Variants in CBR4 observed in about 807,000 individuals in gnomAD.
CBR4 encodes the protein carbonyl reductase 4.
CBR4 carries 22 observed loss-of-function variants against 21.0 expected under a neutral mutation model. The observed-to-expected ratio is 1.05, with a 90% CI of 0.75 to 1.50. The LOEUF is 1.50. CBR4 is among the 40% of genes most tolerant of loss of function. The pLI is 0.00. For synonymous variants in CBR4, 100 were observed against 104.4 expected (o/e 0.96, Z 0.26); for missense variants, 302 against 286.3 (o/e 1.05, Z -0.40).
intron 2 of CBR4, among the ~76,000 whole-genome samples, chr4:168,949,631 T>A (rs777581804): frequency 6.6e-6 from 1 of 152,140 alleles, no homozygotes; most frequent in Admixed American, 6.5e-5. Context: ...GCTGGCTTCA[T>A]AGAATGAATT....
At chr4:168,977,576 T>C (rs1015257689) in intron 2 of CBR4, among the ~76,000 whole-genome samples, 2 of 152,190 alleles carry the variant, frequency 1.3e-5, no homozygotes, top group African/African-American at 4.8e-5. Context: ...CATTCCTTAT[T>C]GCTCAAAACT....
chr4:168,997,814 T>A (rs886621890), intron 4 of CBR4, among the ~76,000 whole-genome samples: 1 of 152,140 alleles, frequency 6.6e-6, no homozygotes, highest in African/African-American at 2.4e-5. Context: ...ATTTGATGTA[T>A]CTGCCAGATA....
intron 2 of CBR4, among the ~76,000 whole-genome samples, chr4:168,922,823 T>C (rs923114778): frequency 2.0e-5 from 3 of 152,330 alleles, no homozygotes; most frequent in East Asian, 1.9e-4. Flanking sequence ...TTTGATCACA[T>C]AGATACCTCA....
chr4:168,938,052 C>A (rs969925066), intron 2 of CBR4, among the ~76,000 whole-genome samples: 1 of 152,128 alleles, frequency 6.6e-6, no homozygotes, highest in Non-Finnish European at 1.5e-5. Context: ...AAATTTATCA[C>A]ATAATTGGAA....
At chr4:168,958,789 T>C (rs545656362) in intron 2 of CBR4, among the ~76,000 whole-genome samples, 2 of 152,350 alleles carry the variant, frequency 1.3e-5, no homozygotes, top group South Asian at 4.1e-4. Flanking sequence ...TGCATTTCCC[T>C]GGTGACTAAA....
intron 2 of CBR4, among the ~76,000 whole-genome samples, chr4:168,925,838 A>G (rs1762478627): frequency 6.6e-6 from 1 of 152,194 alleles, no homozygotes; most frequent in Non-Finnish European, 1.5e-5. Flanking sequence ...TAAAGCATCC[A>G]CATCCAGCAG....
Position 168,989,860 on chromosome 4 carries a change from TA to T in CBR4, c.*289del. 3 of 1,051,274 alleles carry T rather than the reference TA, an allele frequency of 2.9e-6. No homozygotes were observed. Among genetic ancestry groups the T allele is most frequent in the Non-Finnish European group, 3.4e-6 (3 of 871,186 alleles). The allele number at this position is 1,051,274 out of a possible 1,614,324, so 65.1% of individuals were successfully genotyped here. ...TGATTGCACATGTATTTAAATATGT[TA>T]AAACCACTGAATTGTGTATTTTAAA... On this transcript the variant is annotated 3_prime_UTR_variant, in exon 5 of 5. Transcript: ENST00000306193.
chr4:168,956,523 A>C (rs1383179481), intron 2 of CBR4, among the ~76,000 whole-genome samples: 1 of 140,620 alleles, frequency 7.1e-6, no homozygotes, highest in Non-Finnish European at 1.5e-5. Flanking sequence ...GCTTGAGCCC[A>C]GGAGGCAGAG....
At chr4:168,990,443 A>C (rs1248009981) in intron 4 of CBR4, 115 bp from the exon 5 acceptor site, 2 of 1,139,172 alleles carry the variant, frequency 1.8e-6, no homozygotes, top group East Asian at 3.0e-5. Context: ...ATTTAAAAAA[A>C]AATTTTTTTT....
At chr4:168,931,198 G>A (rs1407853110) in intron 2 of CBR4, among the ~76,000 whole-genome samples, 1 of 152,142 alleles carries the variant, frequency 6.6e-6, no homozygotes, top group Non-Finnish European at 1.5e-5. Context: ...GCCAAACTGG[G>A]CCCCTGAGCT....
intron 2 of CBR4, among the ~76,000 whole-genome samples, chr4:168,947,660 C>A (rs917777159): frequency 6.6e-6 from 1 of 152,100 alleles, no homozygotes; most frequent in African/African-American, 2.4e-5. Flanking sequence ...TCCTGAGTTA[C>A]TTCATTTAGT....
Position 168,990,075 on chromosome 4 carries a change from T to A in CBR4, c.*75A>T. On this transcript the variant is annotated 3_prime_UTR_variant, in exon 5 of 5. Coordinates refer to ENST00000306193, the MANE Select transcript of CBR4 (RefSeq NM_032783.5). ...GTTTGATTAGCACATGTTACCCATG[T>A]AGGTATAATTGTCTAATCAGTAGCC... The A allele has an allele frequency of 2.2e-6, 3 of 1,389,786 alleles. No individual in the cohort carries two copies. The highest frequency in any genetic ancestry group is 2.8e-6 in the Non-Finnish European group (3 of 1,063,608). The allele number at this position is 1,389,786 out of a possible 1,614,324, so 86.1% of individuals were successfully genotyped here.
At chr4:168,971,997 T>C (rs1233904484) in intron 2 of CBR4, among the ~76,000 whole-genome samples, 1 of 152,242 alleles carries the variant, frequency 6.6e-6, no homozygotes, top group Non-Finnish European at 1.5e-5. Flanking sequence ...GTTTCATTCT[T>C]CCACATGTGG....
intron 2 of CBR4, among the ~76,000 whole-genome samples, chr4:168,940,388 T>C (rs1290435889): frequency 6.6e-6 from 1 of 152,158 alleles, no homozygotes; most frequent in Non-Finnish European, 1.5e-5. Context: ...GGGCAAAGAC[T>C]TCATTACTAA....
chr4:168,993,307 T>G (rs1560984318), intron 4 of CBR4, among the ~76,000 whole-genome samples: 2 of 150,902 alleles, frequency 1.3e-5, no homozygotes, highest in Non-Finnish European at 2.9e-5. Flanking sequence ...GCCTCCTGGG[T>G]TCAAGCGACT....
intron 4 of CBR4, among the ~76,000 whole-genome samples, chr4:168,991,442 G>A (rs1343745572): frequency 6.6e-6 from 1 of 152,216 alleles, no homozygotes; most frequent in Non-Finnish European, 1.5e-5. Flanking sequence ...TTTGGTAGCT[G>A]ATGATTAGAA....
In CBR4 at chr4:169,006,902, A is replaced by G; in HGVS notation, c.264-11T>C. The G allele has an allele frequency of 6.2e-7, 1 of 1,605,962 alleles. No individual in the cohort carries two copies. Among genetic ancestry groups the G allele is most frequent in the Non-Finnish European group, 8.5e-7 (1 of 1,172,904 alleles). Reference sequence around the variant, plus strand: ...ACTAAAAGACCATCCCTACAAAAAGAAACAGCATATAATAGCATATAATAA... The same window carrying G: ...ACTAAAAGACCATCCCTACAAAAAGGAACAGCATATAATAGCATATAATAA... On this transcript the variant is annotated splice_polypyrimidine_tract_variant and intron_variant, in intron 2 of 4. Transcript: ENST00000306193.
chr4:168,898,422 G>T (rs1032381242), intron 2 of CBR4: 50 of 944,566 alleles, frequency 5.3e-5, no homozygotes, highest in Non-Finnish European at 7.6e-5. Flanking sequence ...GGCCTTATTG[G>T]GGGGCAGGGA....
rs1047835552 is a variant in CBR4, at chr4:168,921,562, G to C, written n.170-26797C>G. ...AGTGGGTTACCAACCCCAGATCTAA[G>C]CTGGCAACTAGATGGAAAGCCCGTA... On this transcript the variant is annotated intron_variant and non_coding_transcript_variant, in intron 2 of 3. Coordinates refer to the CBR4 transcript ENST00000509108. 1 of 1,608,044 alleles carries C rather than the reference G, an allele frequency of 6.2e-7. No homozygotes were observed. The highest frequency in any genetic ancestry group is 1.4e-5 in the African/African-American group (1 of 73,366).
Sources: gnomAD v4.1 joint callset for allele counts (sites outside exome capture counted in the v4.1 genomes callset) on GRCh38, gnomAD v4.1.1 for gene constraint, MANE v1.5 for transcripts, NCBI Gene and HGNC (gene_info 2026-07-23, HGNC 2026-07-21) for gene names.